The following TYR variants were observed in gnomAD, a reference collection of about 807,000 sequenced individuals.
TYR encodes LB24-AB.
TYR carries 58 observed loss-of-function variants against 51.5 expected under a neutral mutation model. The ratio of observed to expected loss-of-function variants is 1.13; its 90% CI spans 0.91 to 1.40. The LOEUF is 1.40. TYR is among the 40% of genes most tolerant of loss of function. The pLI is 0.00. For synonymous variants in TYR, 263 were observed against 235.2 expected, an observed-to-expected ratio of 1.12 and a Z score of -1.08; for missense variants, 732 against 647.4, an observed-to-expected ratio of 1.13 and a Z score of -1.42.
intron 3 of TYR, among the ~76,000 whole-genome samples, chr11:89,258,870 G>A (rs1047348861): frequency 3.3e-5 from 5 of 151,940 alleles, no homozygotes; most frequent in Non-Finnish European, 7.4e-5. Context: ...GAGCAGAGTG[G>A]GGAGCAGCCA....
intron 2 of TYR, 125 bp downstream of exon 2, chr11:89,191,543 A>G: frequency 2.2e-6 from 2 of 894,418 alleles, no homozygotes; most frequent in Non-Finnish European, 3.5e-6. Context: ...TGTGTTGTAT[A>G]TACTTATATC....
At chr11:89,263,737 G>GT (rs1247618795) in intron 3 of TYR, among the ~76,000 whole-genome samples, 1 of 152,040 alleles carries the variant, frequency 6.6e-6, no homozygotes, top group African/African-American at 2.4e-5. Context: ...AACAATTTCA[G>GT]TAATATCAGA....
At chr11:89,211,916 C>A (rs543327041) in intron 2 of TYR, among the ~76,000 whole-genome samples, 1 of 152,270 alleles carries the variant, frequency 6.6e-6, no homozygotes, top group East Asian at 1.9e-4. Flanking sequence ...AAAGACACGA[C>A]GTACCAGAAT....
intron 2 of TYR, among the ~76,000 whole-genome samples, chr11:89,203,417 C>T (rs1399572086): frequency 1.3e-5 from 2 of 152,150 alleles, no homozygotes; most frequent in South Asian, 2.1e-4. Flanking sequence ...GAGTAGGTAT[C>T]TAAAAGAAAT....
rs150946232 is a variant in TYR at position 89,257,361 on chromosome 11, C to T, written c.1185-27412C>T. On this transcript the variant is annotated intron_variant, in intron 3 of 4. Coordinates refer to ENST00000263321, the MANE Select transcript of TYR (RefSeq NM_000372.5). ...ACAAACTTAAGGTATTTTTTTCAAA[C>T]GAAGATTATTTCATTCTATCTTCAT... 4.4e-4 allele frequency among the ~76,000 whole-genome samples: 67 copies of T among 151,950 alleles called. 1 individual carries two copies. The highest frequency in any genetic ancestry group is 1.2e-3 in the African/African-American group (51 of 41,498).
intron 2 of TYR, among the ~76,000 whole-genome samples, chr11:89,212,669 C>A (rs745828754): frequency 6.6e-6 from 1 of 152,152 alleles, no homozygotes; most frequent in Non-Finnish European, 1.5e-5. Flanking sequence ...CCCTGATGAA[C>A]ATCGATGCGA....
chr11:89,249,471 CAAAAAAAAA>C (rs35342940), intron 3 of TYR, among the ~76,000 whole-genome samples: 2 of 69,778 alleles, frequency 2.9e-5, no homozygotes, highest in African/African-American at 1.1e-4. Context: ...GCCATGTAGC[CAAAAAAAAA>C]AAAAAAAAAA....
chr11:89,177,919 CAGT>C lies in TYR; in HGVS notation c.-34_-32del, dbSNP rs1943244268. ...AGAGAAATCTGTGACTCCAATTAGC[CAGT>C]TCCTGCAGACCTTGTGAGGACTAGA... On this transcript the variant is annotated 5_prime_UTR_variant, in exon 1 of 5. Transcript: ENST00000263321. The C allele has an allele frequency of 1.2e-6, 2 of 1,603,226 alleles. No homozygotes were observed. Among genetic ancestry groups the C allele is most frequent in the African/African-American group, 2.7e-5 (2 of 74,828 alleles).
intron 3 of TYR, among the ~76,000 whole-genome samples, chr11:89,266,567 A>G (rs1451303163): frequency 6.6e-6 from 1 of 151,964 alleles, no homozygotes; most frequent in Non-Finnish European, 1.5e-5. Flanking sequence ...ACACCTCCAT[A>G]TAATTCTTTC....
intron 3 of TYR, among the ~76,000 whole-genome samples, chr11:89,233,397 CA>C (rs1343483703): frequency 7.2e-6 from 1 of 139,390 alleles, no homozygotes; most frequent in Non-Finnish European, 1.5e-5. Flanking sequence ...GGATTGGAAT[CA>C]ACTTCTTCCA....
intron 3 of TYR, chr11:89,283,886 A>G (rs1944749510): frequency 6.6e-6 from 1 of 151,824 alleles, no homozygotes; most frequent in Admixed American, 6.6e-5. Flanking sequence ...TAAGTAGGAA[A>G]AGAATTTGCT....
At chr11:89,228,924 A>G (rs1944008440) in intron 3 of TYR, among the ~76,000 whole-genome samples, 1 of 152,140 alleles carries the variant, frequency 6.6e-6, no homozygotes, top group African/African-American at 2.4e-5. Context: ...GACAAATGCT[A>G]TGGAGTGTTC....
intron 3 of TYR, among the ~76,000 whole-genome samples, chr11:89,270,436 C>T (rs2298458): frequency 6.6e-6 from 1 of 151,790 alleles, no homozygotes; most frequent in Admixed American, 6.6e-5. Context: ...CTGTACTGTG[C>T]TGAATTATTG....
At chr11:89,241,663 C>T (rs1003251412) in intron 3 of TYR, among the ~76,000 whole-genome samples, 1 of 150,656 alleles carries the variant, frequency 6.6e-6, no homozygotes. Flanking sequence ...TCAGTTAATT[C>T]TTACAATTAA....
chr11:89,191,774 C>T (rs1219598872), intron 2 of TYR, among the ~76,000 whole-genome samples: 1 of 151,990 alleles, frequency 6.6e-6, no homozygotes, highest in Admixed American at 6.6e-5. Context: ...GAAGCAGCAG[C>T]AGAAGCAGAA....
Position 89,295,273 on chromosome 11 carries a change from G to A in TYR, c.1497G>A (p.Leu499=). The change falls in exon 5 of 5, where the codon CTG becomes CTA. Residue 499 remains leucine, a synonymous_variant. Transcript: ENST00000263321. ...TALLAGLVSL[L]CRHKRKQLPE... is the part of the protein sequence containing the mutation. ...TGCTGGCAGGGCTTGTGAGCTTGCT[G>A]TGTCGTCACAAGAGAAAGCAGCTTC... is the stretch of plus-strand genomic sequence containing the variant. The A allele has an allele frequency of 6.2e-7, 1 of 1,613,868 alleles. No individual in the cohort carries two copies. Among genetic ancestry groups the A allele is most frequent in the East Asian group, 2.2e-5 (1 of 44,858 alleles).
chr11:89,266,168 C>T (rs1344073040), intron 3 of TYR, among the ~76,000 whole-genome samples: 8 of 151,920 alleles, frequency 5.3e-5, no homozygotes, highest in Non-Finnish European at 1.0e-4. Context: ...GTTCATTAGG[C>T]TAGACTTTAA....
At position 89,295,172 on chromosome 11, in the gene TYR, T is replaced by G. The variant is rs1944893007; in HGVS notation, c.1396T>G (p.Ser466Ala). 6.2e-7 allele frequency: 1 copy of G among 1,613,952 alleles called. No individual in the cohort carries two copies. Among genetic ancestry groups the G allele is most frequent in the East Asian group, 2.2e-5 (1 of 44,874 alleles). The change falls in exon 5 of 5, where the codon TCC (serine) becomes GCC (alanine). Residue 466 changes from serine to alanine, a missense_variant. Ser to Ala is a moderately conservative substitution (Grantham distance 99, BLOSUM62 1). Coordinates refer to ENST00000263321, the MANE Select transcript of TYR (RefSeq NM_000372.5). ...DPDSFQDYIK[S>A]YLEQASRIWS... ...AGACTCTTTTCAAGACTACATTAAG[T>G]CCTATTTGGAACAAGCGAGTCGGAT...
intron 2 of TYR, among the ~76,000 whole-genome samples, chr11:89,227,271 T>G (rs1202394913): frequency 6.6e-6 from 1 of 152,168 alleles, no homozygotes. Flanking sequence ...GTTCTGAATA[T>G]TTTTGAAATG....
Sources: allele counts gnomAD v4.1 joint callset (sites outside exome capture counted in the v4.1 genomes callset), GRCh38; gene constraint gnomAD v4.1.1; transcripts MANE v1.5; gene names NCBI Gene and HGNC (gene_info 2026-07-23, HGNC 2026-07-21).